NT5DC1: variants seen among roughly 807,000 people sequenced by gnomAD.
NT5DC1 encodes 5'-nucleotidase domain-containing protein 1.
NT5DC1 carries 42 observed loss-of-function variants against 59.4 expected under a neutral mutation model. The observed-to-expected ratio is 0.71, with a 90% CI of 0.55 to 0.92. The LOEUF is 0.92. Ranked by LOEUF, NT5DC1 falls within the 40% of genes least tolerant of loss-of-function variation. The pLI, the probability that NT5DC1 is intolerant of heterozygous loss-of-function variation, is 0.00. For synonymous variants in NT5DC1, 172 were observed against 188.1 expected (o/e 0.91, Z 0.70); for missense variants, 501 against 537.1 (o/e 0.93, Z 0.66).
intron 6 of NT5DC1, among the ~76,000 whole-genome samples, chr6:116,146,139 A>T (rs567147691): frequency 6.6e-6 from 1 of 152,200 alleles, no homozygotes; most frequent in Non-Finnish European, 1.5e-5. Flanking sequence ...AAAAACTTTC[A>T]TGCTTTGTGT....
intron 6 of NT5DC1, among the ~76,000 whole-genome samples, chr6:116,215,900 G>A (rs1326468306): frequency 2.0e-5 from 3 of 152,118 alleles, no homozygotes; most frequent in Non-Finnish European, 4.4e-5. Flanking sequence ...ATTCAGCACA[G>A]AGTCAGGCAG....
chr6:116,111,027 G>A (rs751414975), intron 4 of NT5DC1, 71 bp downstream of exon 4: 8 of 1,008,776 alleles, frequency 7.9e-6, no homozygotes, highest in Middle Eastern at 2.1e-4. Flanking sequence ...TTGATGTCAG[G>A]ACAAAGAAGA....
At chr6:116,152,675 C>A (rs1780075744) in intron 6 of NT5DC1, among the ~76,000 whole-genome samples, 1 of 152,098 alleles carries the variant, frequency 6.6e-6, no homozygotes, top group Admixed American at 6.6e-5. Flanking sequence ...TTCTTCAGCC[C>A]TACTGTATCT....
intron 2 of NT5DC1, among the ~76,000 whole-genome samples, chr6:116,107,682 C>G (rs929031192): frequency 6.6e-6 from 1 of 151,664 alleles, no homozygotes; most frequent in Admixed American, 6.6e-5. Context: ...ATGCCATTCT[C>G]CTGCCTCAGC....
At chr6:116,131,706 GT>G (rs1779469982) in intron 6 of NT5DC1, among the ~76,000 whole-genome samples, 1 of 152,114 alleles carries the variant, frequency 6.6e-6, no homozygotes, top group Non-Finnish European at 1.5e-5. Context: ...AGGGGTACAA[GT>G]GCAGGTGTGT....
At chr6:116,222,789 A>ACTCT (rs374539684) in intron 7 of NT5DC1, among the ~76,000 whole-genome samples, 29 of 152,132 alleles carry the variant, frequency 1.9e-4, no homozygotes, top group African/African-American at 7.0e-4. Flanking sequence ...TCTATGTGCT[A>ACTCT]CTCTCTTTTT....
chr6:116,149,072 A>G (rs1043895081), intron 6 of NT5DC1, among the ~76,000 whole-genome samples: 2 of 152,174 alleles, frequency 1.3e-5, no homozygotes, highest in African/African-American at 2.4e-5. Flanking sequence ...TTTCTTTACA[A>G]TAAGACAGGT....
At chr6:116,179,561 A>G (rs1780829914) in intron 6 of NT5DC1, among the ~76,000 whole-genome samples, 1 of 152,188 alleles carries the variant, frequency 6.6e-6, no homozygotes, top group Non-Finnish European at 1.5e-5. Context: ...ATGATCAGGG[A>G]AACGCAAATC....
chr6:116,192,827 G>C (rs1250452495), intron 6 of NT5DC1, among the ~76,000 whole-genome samples: 1 of 151,870 alleles, frequency 6.6e-6, no homozygotes, highest in African/African-American at 2.4e-5. Context: ...TGCTTCTTTG[G>C]CCTCCTACTA....
intron 6 of NT5DC1, among the ~76,000 whole-genome samples, chr6:116,220,122 CTTTTTTT>C (rs60827021): frequency 1.5e-4 from 15 of 98,648 alleles, no homozygotes; most frequent in Non-Finnish European, 2.0e-4. Flanking sequence ...GCTGTTTAAC[CTTTTTTT>C]TTTTTTTTTT....
At position 116,175,453 on chromosome 6, in the gene NT5DC1, A is replaced by G. The variant is rs561157918; in HGVS notation, c.530-45601A>G. On this transcript the variant is annotated intron_variant, in intron 6 of 11. Transcript: ENST00000319550. ...TGAACTTATTGGATCTGTGTTTGATATCCTTCATTATTTTTTGAAAAATTA... is the reference window on the plus strand; with the variant it reads ...TGAACTTATTGGATCTGTGTTTGATGTCCTTCATTATTTTTTGAAAAATTA... Among the ~76,000 whole-genome samples, 6 of 152,282 alleles carry G rather than the reference A, an allele frequency of 3.9e-5. 1 individual carries two copies. In the South Asian group the frequency reaches 1.2e-3, roughly 32 times the overall value.
At chr6:116,226,218 A>G (rs1781906500) in intron 8 of NT5DC1, among the ~76,000 whole-genome samples, 1 of 152,180 alleles carries the variant, frequency 6.6e-6, no homozygotes, top group Non-Finnish European at 1.5e-5. Context: ...ACAAACTTAC[A>G]TTTAAATATA....
intron 6 of NT5DC1, among the ~76,000 whole-genome samples, chr6:116,151,092 G>A (rs756610206): frequency 1.1e-4 from 17 of 151,870 alleles, no homozygotes; most frequent in Admixed American, 1.3e-4. Context: ...ATTTGCTCAG[G>A]GATTAGAATT....
At chr6:116,132,277 G>A (rs1250412100) in intron 6 of NT5DC1, among the ~76,000 whole-genome samples, 1 of 152,094 alleles carries the variant, frequency 6.6e-6, no homozygotes, top group African/African-American at 2.4e-5. Flanking sequence ...CCACCTTAGA[G>A]GTGAAAATTG....
rs145909540 is a variant in NT5DC1, at chr6:116,210,879, A to G, written c.530-10175A>G. 1.3e-3 allele frequency among the ~76,000 whole-genome samples: 204 copies of G among 152,156 alleles called. No individual in the cohort carries two copies. The Middle Eastern group carries it at 0.037, about 28-fold the overall frequency. ...AACAGAAAATATACTGGCAGGAATCACATAGAAGTATTAGTATGTTTGGCA... is the reference window on the plus strand; with the variant it reads ...AACAGAAAATATACTGGCAGGAATCGCATAGAAGTATTAGTATGTTTGGCA... On this transcript the variant is annotated intron_variant, in intron 6 of 11. Transcript: ENST00000319550.
rs932972145 is a variant in NT5DC1 at position 116,101,018 on chromosome 6, G to A, written c.88G>A (p.Ala30Thr). 4.4e-6 allele frequency: 7 copies of A among 1,594,926 alleles called. No homozygotes were observed. In the African/African-American group the frequency reaches 8.3e-5, roughly 19 times the overall value. The stretch of plus-strand genomic sequence containing the variant: ...GTGTCGCTACAACCTGCCCGAGAGC[G>A]CCCCGGTGAGTGGCGCGGGCTCCGG... ...TLCRYNLPESAPLIYNSFAQF... is the reference protein window; with the variant it reads ...TLCRYNLPESTPLIYNSFAQF... Residue 30 changes from alanine to threonine, a missense_variant, in exon 1 of 12, where the codon GCC becomes ACC. Ala to Thr is a moderately conservative substitution (Grantham distance 58, BLOSUM62 0). Transcript: ENST00000319550.
intron 8 of NT5DC1, among the ~76,000 whole-genome samples, chr6:116,232,933 C>T (rs1782046962): frequency 6.6e-6 from 1 of 151,988 alleles, no homozygotes; most frequent in Admixed American, 6.6e-5. Context: ...TCTCTTTATC[C>T]AACCTTCATT....
intron 3 of NT5DC1, 33 bp from the exon 4 acceptor site, chr6:116,110,817 T>G: frequency 6.9e-7 from 1 of 1,442,870 alleles, no homozygotes; most frequent in Admixed American, 1.7e-5. Context: ...AAGGAACCAT[T>G]AATGAGCAAT....
chr6:116,167,785 T>C (rs1270656484), intron 6 of NT5DC1, among the ~76,000 whole-genome samples: 3 of 152,182 alleles, frequency 2.0e-5, no homozygotes, highest in Non-Finnish European at 2.9e-5. Context: ...CAAGTTGTTA[T>C]GAATAGATAT....
Sources: allele counts gnomAD v4.1 joint callset (sites outside exome capture counted in the v4.1 genomes callset), GRCh38; gene constraint gnomAD v4.1.1; transcripts MANE v1.5; gene names NCBI Gene and HGNC (gene_info 2026-07-23, HGNC 2026-07-21).